The following LASP1 variants were observed in gnomAD, a reference collection of about 807,000 sequenced individuals.
The protein encoded by LASP1 is LIM and SH3 domain protein 1.
A neutral mutation model predicts 38.6 loss-of-function variants in LASP1; 10 were observed. The observed-to-expected ratio is 0.26, with a 90% CI of 0.16 to 0.44. LASP1 has a LOEUF of 0.44. LASP1 is among the 20% of genes least tolerant of loss of function. The pLI, the probability that LASP1 is intolerant of heterozygous loss-of-function variation, is 1.00. For synonymous variants in LASP1, 132 were observed against 140.8 expected, an observed-to-expected ratio of 0.94 and a Z score of 0.44; for missense variants, 243 against 375.7, an observed-to-expected ratio of 0.65 and a Z score of 2.92.
chr17:38,914,676 A>G (rs1915058025), intron 5 of LASP1, among the ~76,000 whole-genome samples: 1 of 77,492 alleles, frequency 1.3e-5, no homozygotes, highest in Admixed American at 1.1e-4. Flanking sequence ...GGCGAGAGAC[A>G]GACACACACA....
intron 2 of LASP1, 33 bp from the exon 3 acceptor site, chr17:38,890,387 A>C: frequency 1.2e-6 from 2 of 1,600,318 alleles, no homozygotes; most frequent in Non-Finnish European, 1.7e-6. Context: ...CCTCCCCCAG[A>C]GTCACCCCCA....
intron 4 of LASP1, among the ~76,000 whole-genome samples, chr17:38,910,733 C>CTTTTTTTTTT (rs10526728): frequency 1.5e-5 from 2 of 135,476 alleles, no homozygotes; most frequent in African/African-American, 2.9e-5. Flanking sequence ...CTGGAGTCCA[C>CTTTTTTTTTT]TTTTTTTTAA....
chr17:38,905,052 A>G (rs1227175139), intron 4 of LASP1, among the ~76,000 whole-genome samples: 1 of 152,192 alleles, frequency 6.6e-6, no homozygotes, highest in Non-Finnish European at 1.5e-5. Context: ...AGATTCATCC[A>G]TATGTTTGTG....
intron 4 of LASP1, among the ~76,000 whole-genome samples, chr17:38,908,588 C>A (rs532322557): frequency 1.3e-5 from 2 of 152,358 alleles, no homozygotes; most frequent in South Asian, 4.1e-4. Flanking sequence ...CACGTGGGTG[C>A]CGGTCCTTGC....
intron 6 of LASP1, chr17:38,915,963 G>C (rs1915110032): frequency 6.6e-6 from 1 of 152,282 alleles, no homozygotes; most frequent in African/African-American, 2.4e-5. Context: ...GCTGGAGTCT[G>C]ATGCTCTGGG....
At chr17:38,903,044 A>G (rs1914687824) in intron 4 of LASP1, among the ~76,000 whole-genome samples, 1 of 152,218 alleles carries the variant, frequency 6.6e-6, no homozygotes, top group Non-Finnish European at 1.5e-5. Flanking sequence ...TTACAAAAGA[A>G]TGAGGATATG....
intron 6 of LASP1, chr17:38,915,444 T>C: frequency 3.5e-6 from 1 of 286,426 alleles, no homozygotes; most frequent in Non-Finnish European, 6.7e-6. Context: ...GCATGGGGCC[T>C]TCCAGCACTG....
At chr17:38,914,870 G>A (rs181814270) in intron 5 of LASP1, 173 bp from the exon 6 acceptor site, 335 of 643,510 alleles carry the variant, frequency 5.2e-4, no homozygotes, top group Non-Finnish European at 7.6e-4. Context: ...GAGCCCCTGC[G>A]TGGGATACAA....
At chr17:38,911,114 C>T (rs143761448) in intron 4 of LASP1, among the ~76,000 whole-genome samples, 138 of 152,300 alleles carry the variant, frequency 9.1e-4, no homozygotes, top group African/African-American at 3.2e-3. Flanking sequence ...GTGTGCAGTG[C>T]TGTGGGAGAC....
chr17:38,918,812 C>T lies in LASP1; in HGVS notation c.*34C>T, dbSNP rs776603764. On this transcript the variant is annotated 3_prime_UTR_variant, in exon 7 of 7. Transcript: ENST00000318008. The surrounding 1 kb of genome is among the most constrained non-coding windows in gnomAD (Gnocchi z 4.4). ...CGCCCCCATCTGTCTTCAGCACATT[C>T]CACGGCATCGCATCCGTCCTGGGCG... 2 of 1,608,338 alleles carry T rather than the reference C, an allele frequency of 1.2e-6. No individual in the cohort carries two copies. Among genetic ancestry groups the T allele is most frequent in the Non-Finnish European group, 8.5e-7 (1 of 1,177,190 alleles).
At chr17:38,903,713 T>A (rs1331430826) in intron 4 of LASP1, 1 of 152,220 alleles carries the variant, frequency 6.6e-6, no homozygotes, top group African/African-American at 2.4e-5. Flanking sequence ...TATCAATACT[T>A]TAAAGGCACA....
intron 3 of LASP1, among the ~76,000 whole-genome samples, chr17:38,895,970 C>A (rs1389649006): frequency 6.6e-6 from 1 of 152,170 alleles, no homozygotes; most frequent in Non-Finnish European, 1.5e-5. Context: ...GAAGTGGGGT[C>A]CTCTGACCGA....
rs676107 is a variant in LASP1, at chr17:38,918,015, T to C, written c.613-590T>C. Reference sequence around the variant, plus strand: ...ATTAGCCGGGCATGGTGGTACACGCTTATAGTCCCAGCTACTTGGGAGGCT... The same window carrying C: ...ATTAGCCGGGCATGGTGGTACACGCCTATAGTCCCAGCTACTTGGGAGGCT... On this transcript the variant is annotated intron_variant, in intron 6 of 6. Coordinates refer to ENST00000318008, the MANE Select transcript of LASP1 (RefSeq NM_006148.4). This position sits in a 1 kb window ranked among gnomAD's most constrained non-coding sequence, Gnocchi z 4.4. Among the ~76,000 whole-genome samples, 121,732 of 151,738 alleles carry C rather than the reference T, an allele frequency of 0.8. 49,301 individuals are homozygous for C. Among genetic ancestry groups the C allele is most frequent in the Middle Eastern group, 0.91 (268 of 294 alleles).
intron 3 of LASP1, among the ~76,000 whole-genome samples, chr17:38,894,568 G>A (rs542532427): frequency 2.6e-4 from 39 of 152,224 alleles, no homozygotes; most frequent in Admixed American, 9.2e-4. Context: ...GATTCCTGAC[G>A]TGGAGTCAGC....
chr17:38,874,841 G>A (rs61409364), intron 1 of LASP1, among the ~76,000 whole-genome samples: 7,738 of 152,148 alleles, frequency 0.051, 530 homozygotes, highest in South Asian at 0.25. Flanking sequence ...TGCTTCCTCC[G>A]CGTGGCAGCC....
At chr17:38,874,316 G>A (rs370195252) in intron 1 of LASP1, among the ~76,000 whole-genome samples, 2 of 152,162 alleles carry the variant, frequency 1.3e-5, no homozygotes, top group Non-Finnish European at 2.9e-5. Flanking sequence ...AGAGGCAGAC[G>A]GGGTCACTGT....
chr17:38,898,398 C>T lies in LASP1; in HGVS notation c.250-14C>T, dbSNP rs532607531. On this transcript the variant is annotated splice_polypyrimidine_tract_variant and intron_variant, in intron 3 of 6. Coordinates refer to ENST00000318008, the MANE Select transcript of LASP1 (RefSeq NM_006148.4). ...CCTGGCCTGACTCCAATCCCTCTTC[C>T]TCCCCTCCTGCAGGTGCGCTACAAG... is the stretch of plus-strand genomic sequence containing the variant. 1.3e-6 allele frequency: 2 copies of T among 1,537,570 alleles called. No individual in the cohort carries two copies. The highest frequency in any genetic ancestry group is 1.2e-5 in the South Asian group (1 of 83,296).
chr17:38,892,634 T>G (rs1422270502), intron 3 of LASP1, among the ~76,000 whole-genome samples: 1 of 151,804 alleles, frequency 6.6e-6, no homozygotes, highest in East Asian at 1.9e-4. Context: ...CTTTGTCAGT[T>G]CCACAAAAGC....
At chr17:38,894,551 A>G (rs1363594307) in intron 3 of LASP1, among the ~76,000 whole-genome samples, 1 of 152,144 alleles carries the variant, frequency 6.6e-6, no homozygotes, top group Non-Finnish European at 1.5e-5. Flanking sequence ...TATGTTAAGC[A>G]TTTAAAGATT....
Sources: gnomAD v4.1 joint callset for allele counts (sites outside exome capture counted in the v4.1 genomes callset) on GRCh38, gnomAD v4.1.1 for gene constraint, Gnocchi (gnomAD v3.1) non-coding constraint, MANE v1.5 for transcripts, NCBI Gene and HGNC (gene_info 2026-07-23, HGNC 2026-07-21) for gene names.